The following PTK2 variants were observed in gnomAD, a reference collection of about 807,000 sequenced individuals.
PTK2 encodes the protein protein tyrosine kinase 2.
Under a neutral mutation model 150.1 loss-of-function variants are expected in PTK2, and 45 were observed. The ratio of observed to expected loss-of-function variants is 0.30; its 90% CI spans 0.24 to 0.38. The LOEUF is 0.38. Among genes scored for constraint, PTK2 ranks in the 10% least tolerant of loss-of-function variants. The probability of loss-of-function intolerance (pLI) is 1.00; values close to 1 mark genes in which losing one functional copy is unlikely to be tolerated. For missense variants in PTK2, 919 were observed against 1,307.3 expected, an observed-to-expected ratio of 0.70 and a Z score of 4.58; for synonymous variants, 432 against 449.2, an observed-to-expected ratio of 0.96 and a Z score of 0.48.
intron 26 of PTK2, among the ~76,000 whole-genome samples, chr8:140,690,347 C>T (rs1235487886): frequency 6.6e-6 from 1 of 151,844 alleles, no homozygotes; most frequent in Non-Finnish European, 1.5e-5. Context: ...ATTACAGCCT[C>T]GAACTCCTGG....
At position 140,837,331 on chromosome 8, in the gene PTK2, C is replaced by T. The variant is rs1451876436; in HGVS notation, c.594-6805G>A. On this transcript the variant is annotated intron_variant, in intron 7 of 31. Coordinates refer to ENST00000522684, the Ensembl canonical transcript of PTK2. ...AGACATGAAAAGAAAGACTGATGAA[C>T]TCTCTAGTTGGTTTAAAGAAAAAAC... Among the ~76,000 whole-genome samples the T allele has an allele frequency of 2.6e-5, 4 of 152,172 alleles. No homozygotes were observed. The East Asian group carries it at 7.7e-4, about 29-fold the overall frequency.
chr8:140,753,212 C>T (rs1333763150), intron 16 of PTK2, among the ~76,000 whole-genome samples: 3 of 152,086 alleles, frequency 2.0e-5, no homozygotes, highest in Non-Finnish European at 4.4e-5. Context: ...AACATGGTAG[C>T]AGTGGAGGTG....
At chr8:140,705,466 G>C (rs1272157355) in intron 24 of PTK2, among the ~76,000 whole-genome samples, 1 of 152,170 alleles carries the variant, frequency 6.6e-6, no homozygotes, top group Non-Finnish European at 1.5e-5. Context: ...TGCTCCTGGG[G>C]CAGGAGGTGC....
intron 16 of PTK2, among the ~76,000 whole-genome samples, chr8:140,758,915 G>A (rs1432389762): frequency 2.6e-5 from 4 of 152,080 alleles, no homozygotes; most frequent in Admixed American, 2.6e-4. Flanking sequence ...TATTTTTACA[G>A]TACTTTTTCT....
At chr8:140,855,922 A>G (rs1404092734) in intron 5 of PTK2, among the ~76,000 whole-genome samples, 1 of 152,208 alleles carries the variant, frequency 6.6e-6, no homozygotes, top group Non-Finnish European at 1.5e-5. Flanking sequence ...TTAAGATGGT[A>G]AATTTTATGA....
intron 1 of PTK2, among the ~76,000 whole-genome samples, chr8:140,929,141 A>G (rs1309789814): frequency 6.7e-6 from 1 of 149,124 alleles, no homozygotes; most frequent in Non-Finnish European, 1.5e-5. Flanking sequence ...AATTTTTTGT[A>G]TTTTTAGTAG....
chr8:140,771,307 C>A (rs922743718), intron 14 of PTK2: 2 of 152,290 alleles, frequency 1.3e-5, no homozygotes, highest in Non-Finnish European at 2.9e-5. Context: ...CGATGAGGAT[C>A]TTTGAAAACA....
chr8:140,726,632 A>T (rs1015143200), intron 22 of PTK2, among the ~76,000 whole-genome samples: 2 of 152,096 alleles, frequency 1.3e-5, no homozygotes, highest in African/African-American at 4.8e-5. Flanking sequence ...AAAAATTACA[A>T]CTCTGTCAAC....
At chr8:140,759,035 G>T (rs1334189973) in intron 16 of PTK2, among the ~76,000 whole-genome samples, 1 of 152,194 alleles carries the variant, frequency 6.6e-6, no homozygotes, top group African/African-American at 2.4e-5. Flanking sequence ...ATATAGCCTA[G>T]ATGTGTAGTA....
intron 29 of PTK2, among the ~76,000 whole-genome samples, chr8:140,673,709 C>T (rs117282787): frequency 0.014 from 2,133 of 152,180 alleles, 25 homozygotes; most frequent in South Asian, 0.044. Context: ...GAGTCACAGG[C>T]GCCAACAGTT....
At chr8:140,975,667 C>T (rs1050968088) in intron 1 of PTK2, among the ~76,000 whole-genome samples, 4 of 152,018 alleles carry the variant, frequency 2.6e-5, no homozygotes, top group Admixed American at 6.6e-5. Context: ...TGTGTATATG[C>T]GACCCCCGAA....
chr8:140,802,048 A>T (rs971542968), intron 11 of PTK2, among the ~76,000 whole-genome samples: 1 of 149,138 alleles, frequency 6.7e-6, no homozygotes, highest in African/African-American at 2.5e-5. Context: ...TGTATTTACT[A>T]TTTTTTTTTT....
rs185584623 is a variant in PTK2 at position 140,974,745 on chromosome 8, T to C, written c.-122+26380A>G. Among the ~76,000 whole-genome samples, 357 of 152,326 alleles carry C rather than the reference T, an allele frequency of 2.3e-3. 2 individuals are homozygous for C. Among genetic ancestry groups the C allele is most frequent in the Middle Eastern group, 0.017 (5 of 294 alleles). On this transcript the variant is annotated intron_variant, in intron 1 of 31. Coordinates refer to ENST00000522684, the Ensembl canonical transcript of PTK2. ...CTTTCTGATAATGTGATGAAAGCTC[T>C]AGAATTCTCTCCCCAGGGAAAAACA... is the stretch of plus-strand genomic sequence containing the variant.
At chr8:140,834,401 T>G (rs1271810386) in intron 7 of PTK2, among the ~76,000 whole-genome samples, 1 of 152,290 alleles carries the variant, frequency 6.6e-6, no homozygotes, top group East Asian at 1.9e-4. Context: ...AGGAGACAGC[T>G]GTATGTTAAG....
intron 22 of PTK2, chr8:140,732,477 T>A (rs1335733385): frequency 2.1e-6 from 1 of 487,632 alleles, no homozygotes; most frequent in Non-Finnish European, 4.1e-6. Flanking sequence ...GAATCACTCA[T>A]ATGTTCTAAG....
intron 1 of PTK2, among the ~76,000 whole-genome samples, chr8:140,998,629 T>C (rs978193018): frequency 6.6e-6 from 1 of 151,874 alleles, no homozygotes; most frequent in Non-Finnish European, 1.5e-5. Context: ...CCACCCTGGC[T>C]AACACGGCGA....
At chr8:140,993,471 T>C (rs1199760739) in intron 1 of PTK2, among the ~76,000 whole-genome samples, 1 of 152,262 alleles carries the variant, frequency 6.6e-6, no homozygotes, top group Non-Finnish European at 1.5e-5. Flanking sequence ...TTCAATAATG[T>C]ATAAAACAAA....
intron 26 of PTK2, among the ~76,000 whole-genome samples, chr8:140,690,374 G>A (rs760918443): frequency 5.3e-5 from 8 of 152,172 alleles, no homozygotes; most frequent in Non-Finnish European, 1.0e-4. Context: ...GCAATCATCC[G>A]CCTCAGTTTC....
At chr8:140,822,990 A>G (rs886304387) in intron 8 of PTK2, among the ~76,000 whole-genome samples, 4 of 152,230 alleles carry the variant, frequency 2.6e-5, no homozygotes, top group African/African-American at 7.2e-5. Context: ...TGCTGCCTCA[A>G]TGTACAAATG....
Sources: gnomAD v4.1 joint callset for allele counts (sites outside exome capture counted in the v4.1 genomes callset) on GRCh38, gnomAD v4.1.1 for gene constraint, MANE v1.5 for transcripts, NCBI Gene and HGNC (gene_info 2026-07-23, HGNC 2026-07-21) for gene names.